SCAF4: variants seen among roughly 807,000 people sequenced by gnomAD.
SCAF4 encodes the protein SR-related CTD associated factor 4.
SCAF4 carries 25 observed loss-of-function variants against 129.8 expected under a neutral mutation model. That is an observed-to-expected ratio of 0.19 (90% CI 0.14 to 0.27). The LOEUF (loss-of-function observed/expected upper bound fraction) is 0.27, where lower values mean the gene tolerates loss of function less well. Among genes scored for constraint, SCAF4 ranks in the 10% least tolerant of loss-of-function variants. The pLI, the probability that SCAF4 is intolerant of heterozygous loss-of-function variation, is 1.00. For missense variants in SCAF4, 1,246 were observed against 1,457.1 expected, an observed-to-expected ratio of 0.86 and a Z score of 2.36; for synonymous variants, 551 against 497.7, an observed-to-expected ratio of 1.11 and a Z score of -1.43.
At position 31,674,751 on chromosome 21, in the gene SCAF4, G is replaced by A. The variant is rs111316313; in HGVS notation, c.2489-2397C>T. The stretch of plus-strand genomic sequence containing the variant: ...AATTGTTCATTTCATTTGGAAATAT[G>A]ACGTGTGATATCACTGATGAGTTTT... On this transcript the variant is annotated intron_variant, in intron 19 of 19. Transcript: ENST00000286835. 1.1e-3 allele frequency among the ~76,000 whole-genome samples: 160 copies of A among 152,318 alleles called. 1 individual carries two copies. Among genetic ancestry groups the A allele is most frequent in the African/African-American group, 2.3e-3 (94 of 41,572 alleles).
chr21:31,674,211 GAAGGACCACATCTCTT>G (rs2049790484), intron 19 of SCAF4, among the ~76,000 whole-genome samples: 1 of 152,148 alleles, frequency 6.6e-6, no homozygotes, highest in Non-Finnish European at 1.5e-5. Context: ...ACCCCAGACT[GAAGGACCACATCTCTT>G]AAGTACTTTA....
rs561958057 is a variant in SCAF4, at chr21:31,723,751, G to T, written c.30+7912C>A. Among the ~76,000 whole-genome samples the T allele has an allele frequency of 1.8e-4, 28 of 152,128 alleles. No individual in the cohort carries two copies. The South Asian group carries it at 4.8e-3, about 26-fold the overall frequency. On this transcript the variant is annotated intron_variant, in intron 1 of 19. Transcript: ENST00000286835. Reference sequence around the variant, plus strand: ...AAAAGGGTGTGTTTTAAAAAAATCTGCTCTGGATGTCAAATATGCCAGCTA... The same window carrying T: ...AAAAGGGTGTGTTTTAAAAAAATCTTCTCTGGATGTCAAATATGCCAGCTA...
intron 1 of SCAF4, among the ~76,000 whole-genome samples, chr21:31,729,947 A>C (rs1183492842): frequency 2.0e-5 from 3 of 152,264 alleles, no homozygotes; most frequent in African/African-American, 7.2e-5. Context: ...TGCCTGAATC[A>C]GAATACTTCT....
At chr21:31,717,898 CATATAT>C (rs757728318) in intron 1 of SCAF4, among the ~76,000 whole-genome samples, 1,266 of 102,680 alleles carry the variant, frequency 0.012, 9 homozygotes, top group African/African-American at 0.023. Flanking sequence ...CATATATACA[CATATAT>C]ACACACACAC....
chr21:31,717,001 C>T (rs2050935306), intron 1 of SCAF4, among the ~76,000 whole-genome samples: 1 of 152,034 alleles, frequency 6.6e-6, no homozygotes, highest in East Asian at 1.9e-4. Flanking sequence ...ATCTAATTAA[C>T]AAACACAGGA....
At chr21:31,724,714 G>A (rs2051157751) in intron 1 of SCAF4, among the ~76,000 whole-genome samples, 1 of 151,996 alleles carries the variant, frequency 6.6e-6, no homozygotes, top group Non-Finnish European at 1.5e-5. Flanking sequence ...GGCTTCGTAT[G>A]TGGTAAAGAA....
chr21:31,722,194 T>C (rs941620483), intron 1 of SCAF4, among the ~76,000 whole-genome samples: 1 of 152,156 alleles, frequency 6.6e-6, no homozygotes, highest in Admixed American at 6.5e-5. Flanking sequence ...TCCATCTTAA[T>C]TGGAAGTTTA....
chr21:31,685,212 A>C lies in SCAF4; in HGVS notation c.2325T>G (p.Thr775=). 3.1e-6 allele frequency: 5 copies of C among 1,610,206 alleles called. No homozygotes were observed. Among genetic ancestry groups the C allele is most frequent in the Non-Finnish European group, 3.4e-6 (4 of 1,177,332 alleles). Residue 775 remains threonine (T), a synonymous_variant, in exon 19 of 20, where the codon ACT becomes ACG. Transcript: ENST00000286835. ...NSTIAGINED[T]TKDLSIGNPI... The stretch of plus-strand genomic sequence containing the variant: ...GATTTCCAATAGATAAGTCTTTTGT[A>C]GTGTCTTCATTTATACCAGCGATAG...
rs374371326 is a variant in SCAF4, at chr21:31,696,601, A to T, written c.927T>A (p.Ala309=). 5.0e-6 allele frequency: 8 copies of T among 1,611,876 alleles called. No individual in the cohort carries two copies. Among genetic ancestry groups the T allele is most frequent in the Non-Finnish European group, 6.8e-6 (8 of 1,178,842 alleles). ...CCTGTGGAGGAGGAGGAGAGGCAGC[A>T]GCGGGTGCAGCAGCAGCAGGCACGG... The part of the protein sequence containing the change: ...TATVPAAAAP[A]AASPPPPQAP... The change falls in exon 8 of 20, where the codon GCT becomes GCA. Residue 309 remains alanine (A), a synonymous_variant. Transcript: ENST00000286835.
intron 1 of SCAF4, among the ~76,000 whole-genome samples, chr21:31,710,854 C>T (rs1435892587): frequency 1.3e-5 from 2 of 152,162 alleles, no homozygotes; most frequent in Non-Finnish European, 2.9e-5. Flanking sequence ...ATTTTTGGCT[C>T]ATTTTTCATT....
intron 15 of SCAF4, 87 bp downstream of exon 15, chr21:31,690,710 C>T (rs752867016): frequency 4.1e-6 from 5 of 1,233,152 alleles, no homozygotes; most frequent in Non-Finnish European, 5.6e-6. Flanking sequence ...AAAATCACGT[C>T]CTAATGCAAG....
Position 31,672,075 on chromosome 21 carries a change from C to G in SCAF4, c.2768G>C (p.Gly923Ala). 1.2e-6 allele frequency: 2 copies of G among 1,613,402 alleles called. No individual in the cohort carries two copies. Among genetic ancestry groups the G allele is most frequent in the South Asian group, 2.2e-5 (2 of 91,060 alleles). Residue 923 changes from glycine (G) to alanine (A), a missense_variant, in exon 20 of 20, where the codon GGG becomes GCG. By Grantham distance (60) the Gly-to-Ala change is moderately conservative. This residue lies in a region of SCAF4 where 339 missense variants were observed against 325.0 expected (regional missense o/e 1.04). Transcript: ENST00000286835. The part of the protein sequence containing the change: ...GPFVRPGGMP[G>A]LGGPGPGPGG... ...TGGGCCTGGCCCTGGGCCCCCGAGC[C>G]CTGGCATTCCACCAGGCCTAACAAA...
At position 31,671,927 on chromosome 21, in the gene SCAF4, CTGT is replaced by C; in HGVS notation, c.2913_2915del (p.Gln972del). The C allele has an allele frequency of 6.2e-7, 1 of 1,611,868 alleles. No individual in the cohort carries two copies. On this transcript the variant is annotated inframe_deletion, in exon 20 of 20. Coordinates refer to ENST00000286835, the MANE Select transcript of SCAF4 (RefSeq NM_020706.2). ...GTGGCTGCTGCTGTGTTGGTGGAGG[CTGT>C]TGTGATGGTGGTGGCTGCTGCTGCT... is the stretch of plus-strand genomic sequence containing the variant.
chr21:31,732,057 T>TC lies in SCAF4; in HGVS notation c.-366dup. Reference sequence around the variant, plus strand: ...CCCGGCCGGCGAGCGGGCGGGCCTCTCTCTCCCTCTCTCCAGCGGGATGGC... The same window carrying TC: ...CCCGGCCGGCGAGCGGGCGGGCCTCTCCTCTCCCTCTCTCCAGCGGGATGGC... On this transcript the variant is annotated 5_prime_UTR_variant, in exon 1 of 20. Transcript: ENST00000286835. 1 of 422,656 alleles carries TC rather than the reference T, an allele frequency of 2.4e-6. No individual in the cohort carries two copies. Among genetic ancestry groups the TC allele is most frequent in the Non-Finnish European group, 4.1e-6 (1 of 242,244 alleles). The allele number at this position is 422,656 out of a possible 1,614,324, so 26.2% of individuals were successfully genotyped here.
At chr21:31,723,313 C>A (rs2051116550) in intron 1 of SCAF4, among the ~76,000 whole-genome samples, 1 of 151,874 alleles carries the variant, frequency 6.6e-6, no homozygotes, top group African/African-American at 2.4e-5. Flanking sequence ...TTGGCCGGGC[C>A]CGGTGGCGTG....
At chr21:31,699,116 T>C (rs1216310407) in intron 7 of SCAF4, among the ~76,000 whole-genome samples, 3 of 152,156 alleles carry the variant, frequency 2.0e-5, no homozygotes, top group African/African-American at 7.2e-5. Context: ...GATGCAGAAA[T>C]AAACAAATAT....
In SCAF4 at chr21:31,671,350, C is replaced by G. The variant is rs752400955; in HGVS notation, c.*49G>C. ...TAATACAGCATCTGTACACCTCAAG[C>G]TCTACACTCCAGGAAGTGTCACTGT... On this transcript the variant is annotated 3_prime_UTR_variant, in exon 20 of 20. Transcript: ENST00000286835. 2 of 1,574,126 alleles carry G rather than the reference C, an allele frequency of 1.3e-6. No individual in the cohort carries two copies. The highest frequency in any genetic ancestry group is 8.6e-7 in the Non-Finnish European group (1 of 1,160,174).
At chr21:31,702,960 T>C (rs2050570349) in intron 4 of SCAF4, among the ~76,000 whole-genome samples, 1 of 152,198 alleles carries the variant, frequency 6.6e-6, no homozygotes, top group Non-Finnish European at 1.5e-5. Flanking sequence ...TGTAAATGTC[T>C]CCGTTCTTCA....
In SCAF4 at chr21:31,693,553, A is replaced by G. The variant is rs955142408; in HGVS notation, c.1323-69T>C. On this transcript the variant is annotated intron_variant, in intron 11 of 19. Coordinates refer to ENST00000286835, the MANE Select transcript of SCAF4 (RefSeq NM_020706.2). ...AAACCAGAAAATATAAGCACATACT[A>G]ATTAAAACAGAACAAAAACTAGGTA... 3.9e-6 allele frequency: 4 copies of G among 1,035,828 alleles called. No homozygotes were observed. In the South Asian group the frequency reaches 1.3e-4, roughly 34 times the overall value. The allele number at this position is 1,035,828 out of a possible 1,614,324, so 64.2% of individuals were successfully genotyped here. A position where few individuals can be genotyped will look rare whatever the true frequency, so the allele number is the denominator to read the frequency against.
Sources: gnomAD v4.1 joint callset for allele counts (sites outside exome capture counted in the v4.1 genomes callset) on GRCh38, gnomAD v4.1.1 for gene constraint, gnomAD v4.1.1 regional missense constraint, MANE v1.5 for transcripts, NCBI Gene and HGNC (gene_info 2026-07-23, HGNC 2026-07-21) for gene names.